Variants in CSMD1 observed in about 807,000 individuals in gnomAD.
CSMD1 encodes the protein CUB and Sushi multiple domains 1.
Under a neutral mutation model 417.5 loss-of-function variants are expected in CSMD1, and 213 were observed. The ratio of observed to expected loss-of-function variants is 0.51; its 90% CI spans 0.46 to 0.57. The LOEUF is 0.57. Ranked by LOEUF, CSMD1 falls within the 20% of genes least tolerant of loss-of-function variation. The pLI, the probability that CSMD1 is intolerant of heterozygous loss-of-function variation, is 0.00. For missense variants in CSMD1, 6,923 were observed against 4,529.7 expected, an observed-to-expected ratio of 1.53 and a Z score of -15.17; for synonymous variants, 2,862 against 1,736.8, an observed-to-expected ratio of 1.65 and a Z score of -16.11.
intron 5 of CSMD1, among the ~76,000 whole-genome samples, chr8:3,984,284 AAAAT>A (rs1426197413): frequency 6.6e-6 from 1 of 152,176 alleles, no homozygotes. Context: ...TGTCCCCAAT[AAAAT>A]GTCACACATG....
intron 7 of CSMD1, among the ~76,000 whole-genome samples, chr8:3,646,144 A>G (rs1797559136): frequency 6.6e-6 from 1 of 152,128 alleles, no homozygotes; most frequent in African/African-American, 2.4e-5. Context: ...TTAACACTGA[A>G]AAATTCACAA....
At chr8:3,293,074 C>G (rs1328363927) in intron 25 of CSMD1, among the ~76,000 whole-genome samples, 1 of 152,020 alleles carries the variant, frequency 6.6e-6, no homozygotes, top group Non-Finnish European at 1.5e-5. Context: ...TTTATTTCTC[C>G]TTCACTTATG....
At chr8:3,597,719 A>C (rs1047737531) in intron 8 of CSMD1, among the ~76,000 whole-genome samples, 43 of 152,296 alleles carry the variant, frequency 2.8e-4, no homozygotes, top group African/African-American at 9.9e-4. Flanking sequence ...CATCATTCTC[A>C]GCAAAGTAAC....
At chr8:2,961,313 A>G (rs1476116147) in intron 61 of CSMD1, 99 bp from the exon 62 acceptor site, 7 of 605,206 alleles carry the variant, frequency 1.2e-5, no homozygotes, top group Non-Finnish European at 2.0e-5. Context: ...TAGAGAAAAT[A>G]TTGTTTTGAG....
intron 63 of CSMD1, among the ~76,000 whole-genome samples, chr8:2,956,835 C>G (rs1318696000): frequency 6.6e-6 from 1 of 151,946 alleles, no homozygotes; most frequent in East Asian, 1.9e-4. Flanking sequence ...ACAACAAATA[C>G]CTGATATTAT....
intron 23 of CSMD1, among the ~76,000 whole-genome samples, chr8:3,333,970 T>C (rs1482466251): frequency 1.3e-5 from 2 of 152,208 alleles, no homozygotes; most frequent in African/African-American, 4.8e-5. Context: ...TCAGCTTGTA[T>C]AGGATTTCCA....
At chr8:3,182,821 T>TGGCTGAGACTCA in intron 36 of CSMD1, among the ~76,000 whole-genome samples, 1 of 128,772 alleles carries the variant, frequency 7.8e-6, no homozygotes, top group Non-Finnish European at 1.7e-5. Context: ...CGGGGGACTC[T>TGGCTGAGACTCA]GGCTGTCTCT....
chr8:4,618,536 TA>T (rs1801605063), intron 2 of CSMD1, among the ~76,000 whole-genome samples: 1 of 151,780 alleles, frequency 6.6e-6, no homozygotes, highest in African/African-American at 2.4e-5. Flanking sequence ...TGTACATATT[TA>T]TTTCTTGATT....
intron 5 of CSMD1, among the ~76,000 whole-genome samples, chr8:3,854,246 G>C (rs933503072): frequency 2.0e-5 from 3 of 150,136 alleles, no homozygotes; most frequent in African/African-American, 7.3e-5. Flanking sequence ...AAAATCTCAG[G>C]AGTAATACAT....
chr8:3,676,177 T>C (rs544120814), intron 7 of CSMD1, among the ~76,000 whole-genome samples: 1 of 152,360 alleles, frequency 6.6e-6, no homozygotes, highest in Admixed American at 6.5e-5. Flanking sequence ...CTCAATTTTA[T>C]AGTCTTCTCC....
rs1164761155 is a variant in CSMD1, at chr8:3,018,611, T to C, written c.7895A>G (p.Asn2632Ser). ...ATAAACTGTCAACGTTCCAATCTTG[T>C]TGCCATTTGGGGGAAAGGAAAGGCT... ...CGSLSFPPNG[N>S]KIGTLTVYGA... is the part of the protein sequence containing the mutation. The change falls in exon 52 of 70, where the codon AAC becomes AGC. Residue 2632 changes from asparagine (N) to serine (S), a missense_variant. Transcript: ENST00000635120. 2.5e-6 allele frequency: 4 copies of C among 1,613,104 alleles called. No individual in the cohort carries two copies. The highest frequency in any genetic ancestry group is 3.4e-6 in the Non-Finnish European group (4 of 1,179,564).
chr8:3,458,968 G>T (rs1451553616), intron 12 of CSMD1, among the ~76,000 whole-genome samples: 3 of 152,202 alleles, frequency 2.0e-5, no homozygotes, highest in African/African-American at 7.2e-5. Flanking sequence ...CAGGAGAGAG[G>T]TGCAGCTCTC....
At chr8:4,949,801 G>A (rs950799556) in intron 1 of CSMD1, among the ~76,000 whole-genome samples, 11 of 152,200 alleles carry the variant, frequency 7.2e-5, no homozygotes, top group Admixed American at 3.9e-4. Flanking sequence ...ACATGTACTC[G>A]AAGCAATATT....
Position 3,526,460 on chromosome 8 carries a change from G to A in CSMD1, c.1345-32734C>T, listed in dbSNP as rs538590703. On this transcript the variant is annotated intron_variant, in intron 10 of 69. Coordinates refer to ENST00000635120, the MANE Select transcript of CSMD1 (RefSeq NM_033225.6). Reference sequence around the variant, plus strand: ...TTTAGACACAGCAGATATATTACCAGAAGCTGGCTATTCTGTAGAATTTGC... The same window carrying A: ...TTTAGACACAGCAGATATATTACCAAAAGCTGGCTATTCTGTAGAATTTGC... Among the ~76,000 whole-genome samples, 9 of 152,164 alleles carry A rather than the reference G, an allele frequency of 5.9e-5. No homozygotes were observed. The East Asian group carries it at 1.2e-3, about 20-fold the overall frequency.
chr8:4,349,413 CTACTT>C (rs1800958767), intron 3 of CSMD1, among the ~76,000 whole-genome samples: 1 of 152,166 alleles, frequency 6.6e-6, no homozygotes, highest in South Asian at 2.1e-4. Flanking sequence ...ATTATCACCT[CTACTT>C]TAATGATAGA....
chr8:4,691,771 T>C (rs1023418678), intron 1 of CSMD1, among the ~76,000 whole-genome samples: 35 of 152,358 alleles, frequency 2.3e-4, no homozygotes, highest in Middle Eastern at 3.4e-3. Flanking sequence ...AGCAGTGGAA[T>C]GCTAAATTTT....
At chr8:3,187,384 G>A (rs537938696) in intron 36 of CSMD1, among the ~76,000 whole-genome samples, 45 of 152,256 alleles carry the variant, frequency 3.0e-4, no homozygotes, top group African/African-American at 8.7e-4. Flanking sequence ...CGTGAGAGTC[G>A]GAGGTGCAAG....
intron 3 of CSMD1, among the ~76,000 whole-genome samples, chr8:4,353,095 T>A (rs906794947): frequency 6.6e-6 from 1 of 152,236 alleles, no homozygotes; most frequent in Non-Finnish European, 1.5e-5. Flanking sequence ...ATTTTTTACC[T>A]GAAGTAATAT....
rs115691706 is a variant in CSMD1, at chr8:4,099,270, C to T, written c.416-67171G>A. Among the ~76,000 whole-genome samples the T allele has an allele frequency of 6.6e-4, 100 of 151,882 alleles. 2 individuals are homozygous for T. Among genetic ancestry groups the T allele is most frequent in the Non-Finnish European group, 1.6e-4 (11 of 67,950 alleles). The stretch of plus-strand genomic sequence containing the variant: ...TCAAGTGTCTTTCTTTGTTCTGTTA[C>T]TTTCATCGCCTCTATCCTTATTATC... On this transcript the variant is annotated intron_variant, in intron 3 of 69. Coordinates refer to ENST00000635120, the MANE Select transcript of CSMD1 (RefSeq NM_033225.6).
Sources: allele counts gnomAD v4.1 joint callset (sites outside exome capture counted in the v4.1 genomes callset), GRCh38; gene constraint gnomAD v4.1.1; transcripts MANE v1.5; gene names NCBI Gene and HGNC (gene_info 2026-07-23, HGNC 2026-07-21).